Variants in GCNT1 observed in about 807,000 individuals in gnomAD.
GCNT1 encodes the protein beta-1,3-galactosyl-O-glycosyl-glycoprotein beta-1,6-N-acetylglucosaminyltransferase.
In GCNT1, 16 loss-of-function variants were observed where a neutral mutation model predicts 26.2. That is an observed-to-expected ratio of 0.61 (90% confidence interval 0.41 to 0.93). The LOEUF is 0.93. Ranked by LOEUF, GCNT1 falls within the 40% of genes least tolerant of loss-of-function variation. The probability of loss-of-function intolerance (pLI) is 0.00; values close to 1 mark genes in which losing one functional copy is unlikely to be tolerated. For synonymous variants in GCNT1, 183 were observed against 190.8 expected (o/e 0.96, Z 0.34); for missense variants, 477 against 526.7 (o/e 0.91, Z 0.92).
At chr9:76,455,751 G>GC (rs140867552), upstream of GCNT1, among the ~76,000 whole-genome samples, 17,516 of 152,078 alleles carry the variant, frequency 0.12, 1,114 homozygotes, top group Middle Eastern at 0.23. Context: ...ACAGGCATGT[G>GC]CCACCGCACC....
At chr9:76,436,513 C>A (rs1209152376) in intron 1 of GCNT1, among the ~76,000 whole-genome samples, 3 of 150,804 alleles carry the variant, frequency 2.0e-5, no homozygotes, top group Non-Finnish European at 2.9e-5. Context: ...AATCACTTGA[C>A]CCTGGGAGGT....
chr9:76,490,758 C>T (rs903187925), intron 2 of GCNT1, among the ~76,000 whole-genome samples: 2 of 48,978 alleles, frequency 4.1e-5, no homozygotes, highest in South Asian at 1.4e-3. Context: ...AGGCAAGTTT[C>T]CTAACTGCAA....
intron 1 of GCNT1, among the ~76,000 whole-genome samples, chr9:76,424,623 A>G (rs1823236637): frequency 6.6e-6 from 1 of 152,250 alleles, no homozygotes; most frequent in African/African-American, 2.4e-5. Flanking sequence ...CCTGGGCCTT[A>G]AAGTCTTTCT....
intron 2 of GCNT1, among the ~76,000 whole-genome samples, chr9:76,483,666 T>G (rs1824484730): frequency 6.6e-6 from 1 of 152,140 alleles, no homozygotes; most frequent in Non-Finnish European, 1.5e-5. Flanking sequence ...CAAGTGATCT[T>G]CCAACCTCAG....
chr9:76,413,668 G>GTTTTTTTTTTTTTTTTTT, the GCNT1 span, among the ~76,000 whole-genome samples: 10 of 84,206 alleles, frequency 1.2e-4, no homozygotes, highest in Non-Finnish European at 2.0e-4. Context: ...TTTTTTTTTT[G>GTTTTTTTTTTTTTTTTTT]TTTTTTTTTT....
At chr9:76,439,946 A>G (rs957115744), upstream of GCNT1, among the ~76,000 whole-genome samples, 2 of 151,804 alleles carry the variant, frequency 1.3e-5, no homozygotes, top group Non-Finnish European at 2.9e-5. Context: ...CTAAAAATAC[A>G]AAAAATTAGC....
intron 2 of GCNT1, among the ~76,000 whole-genome samples, chr9:76,474,836 A>G (rs1460607196): frequency 1.3e-5 from 2 of 152,394 alleles, no homozygotes; most frequent in African/African-American, 4.8e-5. Context: ...GTGTTTGAAT[A>G]AACATCCCCT....
chr9:76,495,571 G>C (rs1824885278), intron 2 of GCNT1, among the ~76,000 whole-genome samples: 1 of 152,126 alleles, frequency 6.6e-6, no homozygotes, highest in African/African-American at 2.4e-5. Flanking sequence ...ATGCTGATTG[G>C]TCCATTTTAC....
chr9:76,493,816 G>A (rs1218003141), intron 2 of GCNT1, among the ~76,000 whole-genome samples: 12 of 152,098 alleles, frequency 7.9e-5, no homozygotes, highest in African/African-American at 2.9e-4. Flanking sequence ...CACTCCACTT[G>A]CCTTCCCTTT....
chr9:76,443,967 A>AAGGAAGGAAGGT (rs1823528196), intron 1 of GCNT1, among the ~76,000 whole-genome samples: 2 of 121,032 alleles, frequency 1.7e-5, no homozygotes, highest in South Asian at 2.7e-4. Flanking sequence ...GGAAGGAAGG[A>AAGGAAGGAAGGT]AGGAAGGAAG....
At chr9:76,464,998 C>T (rs1459206817) in intron 2 of GCNT1, among the ~76,000 whole-genome samples, 1 of 151,346 alleles carries the variant, frequency 6.6e-6, no homozygotes, top group Admixed American at 6.6e-5. Flanking sequence ...GTTTTTGAGA[C>T]AGTCTTGCTA....
In GCNT1 at chr9:76,503,793, T is replaced by A; in HGVS notation, c.*125T>A. 1.4e-6 allele frequency: 1 copy of A among 732,260 alleles called. No homozygotes were observed. The highest frequency in any genetic ancestry group is 2.4e-6 in the Non-Finnish European group (1 of 421,318). The allele number at this position is 732,260 out of a possible 1,614,324, so 45.4% of individuals were successfully genotyped here. On this transcript the variant is annotated 3_prime_UTR_variant, in exon 4 of 4. Coordinates refer to ENST00000376730, the MANE Select transcript of GCNT1 (RefSeq NM_001490.5). ...TCTTTGGGGCAGGGACTCTAGTAGA[T>A]CTTCTTGTCAGAGAAGCTGCATGGT...
At chr9:76,472,361 G>A (rs1428982343) in intron 2 of GCNT1, among the ~76,000 whole-genome samples, 3 of 152,220 alleles carry the variant, frequency 2.0e-5, no homozygotes, top group Admixed American at 6.5e-5. Flanking sequence ...TTGGGGTTCT[G>A]TGGGTGGCCC....
At chr9:76,416,354 T>C (rs1823132740), upstream of GCNT1, among the ~76,000 whole-genome samples, 1 of 152,250 alleles carries the variant, frequency 6.6e-6, no homozygotes. Flanking sequence ...CAAGTCCATG[T>C]GACCTGATTC....
chr9:76,472,568 G>A (rs548316341), intron 2 of GCNT1, among the ~76,000 whole-genome samples: 1 of 152,178 alleles, frequency 6.6e-6, no homozygotes, highest in South Asian at 2.1e-4. Context: ...TTTTTGTTAT[G>A]GACTTGCCAT....
chr9:76,480,515 T>C (rs1264925711), intron 2 of GCNT1, among the ~76,000 whole-genome samples: 1 of 152,196 alleles, frequency 6.6e-6, no homozygotes, highest in Non-Finnish European at 1.5e-5. Flanking sequence ...CTTTGTGGCA[T>C]AGACTGAGGG....
chr9:76,399,518 G>A, the GCNT1 span: 9 of 1,587,416 alleles, frequency 5.7e-6, no homozygotes, highest in Non-Finnish European at 7.7e-6. Context: ...GCCTGCCACG[G>A]AAGACTGGTC....
chr9:76,426,744 A>G (rs1322412170), intron 1 of GCNT1, among the ~76,000 whole-genome samples: 1 of 152,020 alleles, frequency 6.6e-6, no homozygotes. Flanking sequence ...AAAAATACGA[A>G]AAATCAGCCA....
the GCNT1 span, among the ~76,000 whole-genome samples, chr9:76,399,743 A>G: frequency 6.6e-6 from 1 of 151,122 alleles, no homozygotes; most frequent in African/African-American, 2.4e-5. Flanking sequence ...TGGATGTTTT[A>G]TTTCTATTTT....
Sources: allele counts gnomAD v4.1 joint callset (sites outside exome capture counted in the v4.1 genomes callset), GRCh38; gene constraint gnomAD v4.1.1; transcripts MANE v1.5; gene names NCBI Gene and HGNC (gene_info 2026-07-23, HGNC 2026-07-21).